Variants in DDX31 observed in about 807,000 individuals in gnomAD.
The protein encoded by DDX31 is ATP-dependent DNA helicase DDX31.
In DDX31, 70 loss-of-function variants were observed where a neutral mutation model predicts 91.3. The ratio of observed to expected loss-of-function variants is 0.77; its 90% confidence interval spans 0.63 to 0.94. The LOEUF is 0.94. Ranked by LOEUF, DDX31 falls within the 40% of genes least tolerant of loss-of-function variation. DDX31 has a pLI of 0.00. For missense variants in DDX31, 902 were observed against 925.0 expected, an observed-to-expected ratio of 0.98 and a Z score of 0.32; for synonymous variants, 362 against 350.6, an observed-to-expected ratio of 1.03 and a Z score of -0.36.
intron 19 of DDX31, among the ~76,000 whole-genome samples, chr9:132,605,563 G>C (rs1830965133): frequency 6.6e-6 from 1 of 152,192 alleles, no homozygotes; most frequent in Non-Finnish European, 1.5e-5. Flanking sequence ...TGTTCTCTAA[G>C]CTATACTTTC....
At chr9:132,625,916 T>C (rs57378280) in intron 16 of DDX31, among the ~76,000 whole-genome samples, 171 bp from the exon 17 acceptor site, 5,716 of 152,228 alleles carry the variant, frequency 0.038, 380 homozygotes, top group African/African-American at 0.13. Flanking sequence ...AGGGGACCTC[T>C]ATGATATTAA....
Position 132,650,272 on chromosome 9 carries a change from C to T in DDX31, c.702G>A (p.Val234=), listed in dbSNP as rs762001117. ...ATTTTCTCTTCTCTCCTCCCATTAA[C>T]ACTCCAGGCACAATCCAGGTGAAAG... ...LKPFTWIVPG[V]LMGGEKRKSE... Residue 234 remains valine (V), a synonymous_variant, in exon 9 of 20, where the codon GTG becomes GTA. Coordinates refer to ENST00000372159, the MANE Select transcript of DDX31 (RefSeq NM_022779.9). 10 of 1,614,062 alleles carry T rather than the reference C, an allele frequency of 6.2e-6. No individual in the cohort carries two copies. Among genetic ancestry groups the T allele is most frequent in the Non-Finnish European group, 8.5e-6 (10 of 1,180,010 alleles).
chr9:132,662,329 C>T lies in DDX31; in HGVS notation c.340G>A (p.Val114Ile), dbSNP rs771362784. 2 of 1,614,194 alleles carry T rather than the reference C, an allele frequency of 1.2e-6. No individual in the cohort carries two copies. The highest frequency in any genetic ancestry group is 1.7e-6 in the Non-Finnish European group (2 of 1,180,036). ...PDIPELHRPV[V>I]KQVQEKVFTS... ...AACACTTTTTCTTGCACCTGCTTTA[C>T]CACAGGTCTGCAAATGATGAACAAG... is the stretch of plus-strand genomic sequence containing the variant. Residue 114 changes from valine to isoleucine, a missense_variant, in exon 3 of 20, where the codon GTA (valine) becomes ATA (isoleucine). Val to Ile is a conservative substitution (Grantham distance 29, BLOSUM62 3). Transcript: ENST00000372159.
intron 1 of DDX31, among the ~76,000 whole-genome samples, chr9:132,665,639 T>G (rs1835256175): frequency 6.6e-6 from 1 of 152,158 alleles, no homozygotes; most frequent in South Asian, 2.1e-4. Flanking sequence ...ACTAAAAAAT[T>G]CGTTTGAGTC....
At chr9:132,638,465 A>C (rs1293201307) in intron 14 of DDX31, 1 of 1,518,188 alleles carries the variant, frequency 6.6e-7, no homozygotes, top group Non-Finnish European at 9.1e-7. Flanking sequence ...TTGAACTTCC[A>C]ATGACTCCTT....
At chr9:132,632,569 C>T (rs1832860599) in intron 14 of DDX31, among the ~76,000 whole-genome samples, 1 of 152,112 alleles carries the variant, frequency 6.6e-6, no homozygotes, top group Non-Finnish European at 1.5e-5. Flanking sequence ...CACCCCCCGC[C>T]CACAACCATG....
intron 6 of DDX31, among the ~76,000 whole-genome samples, chr9:132,653,902 T>A (rs1264872942): frequency 1.5e-5 from 2 of 131,626 alleles, no homozygotes; most frequent in Non-Finnish European, 3.2e-5. Flanking sequence ...TAAAATAATT[T>A]AAAGCTACAG....
chr9:132,652,759 T>G (rs1218490943), intron 6 of DDX31, among the ~76,000 whole-genome samples: 1 of 152,168 alleles, frequency 6.6e-6, no homozygotes, highest in Non-Finnish European at 1.5e-5. Context: ...GGCCGGTTAT[T>G]CTCGTGATAA....
intron 15 of DDX31, among the ~76,000 whole-genome samples, chr9:132,631,056 C>CA (rs1832687191): frequency 6.6e-6 from 1 of 152,248 alleles, no homozygotes. Flanking sequence ...ACTGCCAACT[C>CA]AGAGAAAAGA....
intron 16 of DDX31, among the ~76,000 whole-genome samples, chr9:132,626,053 T>G (rs1832370649): frequency 6.6e-6 from 1 of 151,756 alleles, no homozygotes; most frequent in Non-Finnish European, 1.5e-5. Flanking sequence ...CAAATAAGTG[T>G]GCCCACTCAC....
At chr9:132,627,106 T>C (rs1393554815) in intron 16 of DDX31, among the ~76,000 whole-genome samples, 1 of 151,850 alleles carries the variant, frequency 6.6e-6, no homozygotes, top group Non-Finnish European at 1.5e-5. Context: ...ACTTTTTTCT[T>C]GAGAAAAAAA....
chr9:132,630,216 G>A, intron 16 of DDX31, 48 bp downstream of exon 16: 3 of 1,512,894 alleles, frequency 2.0e-6, no homozygotes, highest in Non-Finnish European at 2.7e-6. Flanking sequence ...GCGACAGAAA[G>A]TTAATTAGGT....
chr9:132,621,921 C>T (rs576069228), intron 17 of DDX31, among the ~76,000 whole-genome samples: 104 of 150,358 alleles, frequency 6.9e-4, no homozygotes, highest in Non-Finnish European at 1.1e-3. Context: ...ACACCTACAA[C>T]GTAGGATGGT....
intron 11 of DDX31, 139 bp from the exon 12 acceptor site, chr9:132,647,197 C>A: frequency 1.4e-6 from 1 of 716,072 alleles, no homozygotes; most frequent in Non-Finnish European, 2.4e-6. Flanking sequence ...AGTCCCAGCA[C>A]TGATCCGCCC....
In DDX31 at chr9:132,594,972, T is replaced by C. The variant is rs746776524; in HGVS notation, c.2135A>G (p.Gln712Arg). 7 of 1,614,108 alleles carry C rather than the reference T, an allele frequency of 4.3e-6. No homozygotes were observed. Among genetic ancestry groups the C allele is most frequent in the Non-Finnish European group, 5.9e-6 (7 of 1,180,056 alleles). The change falls in exon 20 of 20, where the codon CAG (glutamine) becomes CGG (arginine). Residue 712 changes from glutamine to arginine, a missense_variant. Transcript: ENST00000372159. ...GCAGGGTGTCGGCTGCAGACTGTGC[T>C]GCAGGGGCCGGCCACCAGGCTCTCC... ...APGEPGGRPL[Q>R]HSLQPTPCFG...
At chr9:132,669,632 C>T in intron 1 of DDX31, 1 of 1,530,086 alleles carries the variant, frequency 6.5e-7, no homozygotes, top group Non-Finnish European at 8.7e-7. Flanking sequence ...GCCAGCTCCC[C>T]GCCCCTCCAC....
At chr9:132,663,658 T>C (rs1275283634) in intron 1 of DDX31, among the ~76,000 whole-genome samples, 2 of 152,220 alleles carry the variant, frequency 1.3e-5, no homozygotes, top group Non-Finnish European at 2.9e-5. Context: ...TCCTCTTTGC[T>C]TGAAATAATG....
rs1300362742 is a variant in DDX31, at chr9:132,618,351, TC to T, written c.1803del (p.Arg602GlyfsTer23). The T allele has an allele frequency of 6.2e-7, 1 of 1,609,522 alleles. No homozygotes were observed. Among genetic ancestry groups the T allele is most frequent in the Non-Finnish European group, 8.5e-7 (1 of 1,178,176 alleles). On this transcript the variant is annotated frameshift_variant, in exon 18 of 20. Transcript: ENST00000372159. LOFTEE classifies it high-confidence loss of function. Reference sequence around the variant, plus strand: ...TGACCTTTCTTTGCCCAGGAGACCCTCCTCTCACTGGAGTGCACGTAATCTT... The same window carrying T: ...TGACCTTTCTTTGCCCAGGAGACCCTCTCTCACTGGAGTGCACGTAATCTT... ...VFEDYVHSSE[R>X]RVSWAKKALQ...
chr9:132,621,421 C>A (rs1028131468), intron 17 of DDX31, among the ~76,000 whole-genome samples: 5 of 152,180 alleles, frequency 3.3e-5, no homozygotes, highest in African/African-American at 1.2e-4. Context: ...TGAACATTCA[C>A]ACACCCAGAC....
Sources: allele counts gnomAD v4.1 joint callset (sites outside exome capture counted in the v4.1 genomes callset), GRCh38; gene constraint gnomAD v4.1.1; transcripts MANE v1.5; gene names NCBI Gene and HGNC (gene_info 2026-07-23, HGNC 2026-07-21).